The following ARHGAP15 variants were observed in gnomAD, a reference collection of about 807,000 sequenced individuals.
ARHGAP15 encodes the protein Rho GTPase activating protein 15.
In ARHGAP15, 51 loss-of-function variants were observed where a neutral mutation model predicts 63.7. The observed-to-expected ratio is 0.80, with a 90% confidence interval of 0.64 to 1.01. The LOEUF (loss-of-function observed/expected upper bound fraction) is 1.01, where lower values mean the gene tolerates loss of function less well. Among genes scored for constraint, ARHGAP15 ranks in the 50% least tolerant of loss-of-function variants. The pLI, the probability that ARHGAP15 is intolerant of heterozygous loss-of-function variation, is 0.00. For missense variants in ARHGAP15, 560 were observed against 564.6 expected (o/e 0.99, Z 0.08); for synonymous variants, 191 against 193.8 (o/e 0.99, Z 0.12).
At chr2:143,514,512 T>C (rs1693720895) in intron 9 of ARHGAP15, among the ~76,000 whole-genome samples, 1 of 152,224 alleles carries the variant, frequency 6.6e-6, no homozygotes, top group African/African-American at 2.4e-5. Context: ...CCAGTTTTAG[T>C]TTCCATGTCC....
chr2:143,518,440 G>A (rs891002804), intron 9 of ARHGAP15, among the ~76,000 whole-genome samples: 1 of 152,230 alleles, frequency 6.6e-6, no homozygotes, highest in East Asian at 1.9e-4. Flanking sequence ...TGAAATCAAA[G>A]GATGTTGCTC....
intron 6 of ARHGAP15, among the ~76,000 whole-genome samples, chr2:143,312,159 C>A (rs766919245): frequency 6.6e-6 from 1 of 152,008 alleles, no homozygotes; most frequent in Non-Finnish European, 1.5e-5. Context: ...CACCATAATC[C>A]TTTAAAGGAT....
chr2:143,275,180 AC>A (rs1681482653), intron 6 of ARHGAP15, among the ~76,000 whole-genome samples: 1 of 151,926 alleles, frequency 6.6e-6, no homozygotes, highest in African/African-American at 2.4e-5. Flanking sequence ...AAAAGCAGAA[AC>A]CACCCACAAA....
rs543110801 is a variant in ARHGAP15, at chr2:143,739,450, T to C, written c.1245-28539T>C. Among the ~76,000 whole-genome samples the C allele has an allele frequency of 2.0e-5, 3 of 152,132 alleles. No individual in the cohort carries two copies. In the East Asian group the frequency reaches 5.8e-4, roughly 29 times the overall value. ...AGCTGGCAAGGTCCATAGGCTCTTA[T>C]AAGAAACTTGAGTGCAGCTGAAGCA... On this transcript the variant is annotated intron_variant, in intron 13 of 13. Transcript: ENST00000295095.
At chr2:143,346,854 A>G (rs537498125) in intron 6 of ARHGAP15, among the ~76,000 whole-genome samples, 14 of 152,102 alleles carry the variant, frequency 9.2e-5, no homozygotes, top group Non-Finnish European at 1.9e-4. Flanking sequence ...TTTCAAATCA[A>G]AGACCAACTG....
intron 13 of ARHGAP15, among the ~76,000 whole-genome samples, chr2:143,724,420 C>T (rs1378682828): frequency 6.6e-6 from 1 of 152,212 alleles, no homozygotes; most frequent in Non-Finnish European, 1.5e-5. Context: ...TCTTACCGCC[C>T]TGTCAGGCTC....
At chr2:143,299,948 T>C (rs1388847171) in intron 6 of ARHGAP15, among the ~76,000 whole-genome samples, 2 of 151,990 alleles carry the variant, frequency 1.3e-5, no homozygotes, top group Non-Finnish European at 2.9e-5. Context: ...ACCAACAAAG[T>C]CTTCATTTTT....
intron 6 of ARHGAP15, among the ~76,000 whole-genome samples, chr2:143,287,785 A>G (rs2105105953): frequency 6.6e-6 from 1 of 152,260 alleles, no homozygotes; most frequent in East Asian, 1.9e-4. Flanking sequence ...CCTGGGGGAC[A>G]ATAGCAAGAC....
chr2:143,658,135 A>G (rs1681554747), intron 12 of ARHGAP15, among the ~76,000 whole-genome samples: 1 of 152,174 alleles, frequency 6.6e-6, no homozygotes. Context: ...TTACCAAGGG[A>G]TCTTAATTTG....
In ARHGAP15 at chr2:143,198,545, C is replaced by A. The variant is rs546614103; in HGVS notation, c.166-3589C>A. ...TGGTGTGATACATTTTTCTATGAAA[C>A]CTTAGGATTTTATAAATCATTACAA... On this transcript the variant is annotated intron_variant, in intron 2 of 13. Transcript: ENST00000295095. 2.0e-5 allele frequency among the ~76,000 whole-genome samples: 3 copies of A among 152,078 alleles called. No individual in the cohort carries two copies. In the South Asian group the frequency reaches 6.2e-4, roughly 32 times the overall value.
intron 6 of ARHGAP15, among the ~76,000 whole-genome samples, chr2:143,297,876 A>T (rs1682715246): frequency 6.6e-6 from 1 of 152,040 alleles, no homozygotes; most frequent in Admixed American, 6.6e-5. Flanking sequence ...ACAAAACAGT[A>T]TAATTGAGGA....
intron 8 of ARHGAP15, among the ~76,000 whole-genome samples, chr2:143,468,516 C>A (rs1481086612): frequency 1.3e-5 from 2 of 152,026 alleles, no homozygotes; most frequent in Non-Finnish European, 2.9e-5. Context: ...ACTGCTTTCT[C>A]AGAATCTGTT....
chr2:143,285,816 C>T (rs953828796), intron 6 of ARHGAP15, among the ~76,000 whole-genome samples: 1 of 152,132 alleles, frequency 6.6e-6, no homozygotes, highest in Non-Finnish European at 1.5e-5. Flanking sequence ...ATCATTCTTG[C>T]CAGTCCTAAT....
chr2:143,198,696 G>T (rs998211114), intron 2 of ARHGAP15, among the ~76,000 whole-genome samples: 2 of 152,088 alleles, frequency 1.3e-5, no homozygotes, highest in Non-Finnish European at 2.9e-5. Flanking sequence ...AGAGGCAAGT[G>T]GGTCTGTATG....
chr2:143,566,521 G>A (rs1696230485), intron 11 of ARHGAP15, among the ~76,000 whole-genome samples: 1 of 152,090 alleles, frequency 6.6e-6, no homozygotes, highest in Admixed American at 6.5e-5. Context: ...TGGGTTCAAT[G>A]TGAATTAGTG....
In ARHGAP15 at chr2:143,734,684, G is replaced by T. The variant is rs573498684; in HGVS notation, c.1244+31160G>T. Among the ~76,000 whole-genome samples, 39 of 152,252 alleles carry T rather than the reference G, an allele frequency of 2.6e-4. 1 individual carries two copies. In the South Asian group the frequency reaches 7.9e-3, roughly 31 times the overall value. On this transcript the variant is annotated intron_variant, in intron 13 of 13. Coordinates refer to ENST00000295095, the MANE Select transcript of ARHGAP15 (RefSeq NM_018460.4). ...TGGAATCAATTAACTCATATAATTT[G>T]ATTTATTTTACAAAGACATTTTGGG...
At chr2:143,747,873 A>C (rs1686229097) in intron 13 of ARHGAP15, among the ~76,000 whole-genome samples, 1 of 152,110 alleles carries the variant, frequency 6.6e-6, no homozygotes, top group South Asian at 2.1e-4. Flanking sequence ...TCAGGTAGAA[A>C]ATATGGTTCT....
chr2:143,448,915 GC>G (rs1172000467), intron 8 of ARHGAP15, among the ~76,000 whole-genome samples: 1 of 152,034 alleles, frequency 6.6e-6, no homozygotes, highest in Non-Finnish European at 1.5e-5. Context: ...AAAGTCCAGA[GC>G]CAAAGGGTGG....
chr2:143,570,980 G>A (rs1001832023), intron 11 of ARHGAP15, among the ~76,000 whole-genome samples: 1 of 152,134 alleles, frequency 6.6e-6, no homozygotes, highest in Non-Finnish European at 1.5e-5. Context: ...GGAGGTGAGT[G>A]GCAGGTGAGA....
Sources: allele counts gnomAD v4.1 joint callset (sites outside exome capture counted in the v4.1 genomes callset), GRCh38; gene constraint gnomAD v4.1.1; transcripts MANE v1.5; gene names NCBI Gene and HGNC (gene_info 2026-07-23, HGNC 2026-07-21).